The following ALG11 variants were observed in gnomAD, a reference collection of about 807,000 sequenced individuals.
ALG11 encodes the protein ALG11 alpha-1,2-mannosyltransferase.
ALG11 carries 26 observed loss-of-function variants against 38.8 expected under a neutral mutation model. The observed-to-expected ratio is 0.67, with a 90% CI of 0.49 to 0.93. ALG11 has a LOEUF of 0.93. Ranked by LOEUF, ALG11 falls within the 40% of genes least tolerant of loss-of-function variation. The pLI is 0.00. For missense variants in ALG11, 535 were observed against 578.8 expected (o/e 0.92, Z 0.78); for synonymous variants, 199 against 211.6 (o/e 0.94, Z 0.52).
intron 2 of ALG11, chr13:52,022,678 A>G (rs1307085186): frequency 6.7e-6 from 1 of 150,304 alleles, no homozygotes; most frequent in African/African-American, 2.4e-5. Flanking sequence ...GCATCTCATT[A>G]CTAGATGCTT....
chr13:52,031,350 A>G lies in ALG11; in HGVS notation c.*2760A>G. On this transcript the variant is annotated 3_prime_UTR_variant, in exon 4 of 4. Transcript: ENST00000521508. ...ACAATACAGTGGATGACCCTTTTGA[A>G]TATACCTAATGATTTCCTTAAAAAA... 1 of 544,044 alleles carries G rather than the reference A, an allele frequency of 1.8e-6. No homozygotes were observed. The highest frequency in any genetic ancestry group is 3.3e-5 in the East Asian group (1 of 30,426). 33.7% of individuals were successfully genotyped at this position (544,044 alleles called of 1,614,324 possible). A position where few individuals can be genotyped will look rare whatever the true frequency, so the allele number is the denominator to read the frequency against.
In ALG11 at chr13:52,031,232, A is replaced by G; in HGVS notation, c.*2642A>G. The G allele has an allele frequency of 7.3e-7, 1 of 1,378,574 alleles. No homozygotes were observed. Among genetic ancestry groups the G allele is most frequent in the Non-Finnish European group, 9.7e-7 (1 of 1,028,822 alleles). The allele number at this position is 1,378,574 out of a possible 1,614,324, so 85.4% of individuals were successfully genotyped here. ...TGCATGTAGTTGAGCCACATTTTTT[A>G]AAAAAAGAAAATGGATGACCATTAA... On this transcript the variant is annotated 3_prime_UTR_variant, in exon 4 of 4. Transcript: ENST00000521508.
chr13:52,014,545 T>G (rs1275307453), intron 1 of ALG11, among the ~76,000 whole-genome samples: 1 of 152,064 alleles, frequency 6.6e-6, no homozygotes, highest in East Asian at 1.9e-4. Context: ...TTTTAATTTT[T>G]TTTTTAGAGA....
chr13:52,021,390 A>G (rs912051075), intron 2 of ALG11: 11 of 152,350 alleles, frequency 7.2e-5, no homozygotes, highest in African/African-American at 2.6e-4. Context: ...TGCCTTATGA[A>G]AAGACAGTGA....
At chr13:52,019,922 G>T (rs1052498570) in intron 2 of ALG11, among the ~76,000 whole-genome samples, 8 of 152,258 alleles carry the variant, frequency 5.3e-5, no homozygotes, top group African/African-American at 1.9e-4. Context: ...GTGAGAACCC[G>T]TCTCAAGGGA....
At position 52,030,321 on chromosome 13, in the gene ALG11, T is replaced by A. The variant is rs779240213; in HGVS notation, c.*1731T>A. Reference sequence around the variant, plus strand: ...CTATTGCTACAGAGGTCAGAGAGAGTACAAACTCTGGAAGAGCTAGAAGAG... The same window carrying A: ...CTATTGCTACAGAGGTCAGAGAGAGAACAAACTCTGGAAGAGCTAGAAGAG... On this transcript the variant is annotated 3_prime_UTR_variant, in exon 4 of 4. Transcript: ENST00000521508. 3.2e-5 allele frequency: 51 copies of A among 1,613,750 alleles called. No homozygotes were observed. Among genetic ancestry groups the A allele is most frequent in the Non-Finnish European group, 3.5e-5 (41 of 1,179,976 alleles).
intron 3 of ALG11, among the ~76,000 whole-genome samples, chr13:52,027,891 T>G (rs536672296): frequency 6.6e-6 from 1 of 152,374 alleles, no homozygotes; most frequent in South Asian, 2.1e-4. Flanking sequence ...TTCTCTAGTC[T>G]TCTTTTTTAA....
At chr13:52,022,065 A>G (rs1434211147) in intron 2 of ALG11, 1 of 152,214 alleles carries the variant, frequency 6.6e-6, no homozygotes, top group Non-Finnish European at 1.5e-5. Flanking sequence ...TGAGAAAAGT[A>G]TCAAAGAATT....
At chr13:52,019,665 G>T (rs1052126390) in intron 2 of ALG11, among the ~76,000 whole-genome samples, 4 of 152,260 alleles carry the variant, frequency 2.6e-5, no homozygotes, top group African/African-American at 9.6e-5. Flanking sequence ...ACAAACCCAG[G>T]CATGGTGGCT....
rs1954282418 is a variant in ALG11 at position 52,029,968 on chromosome 13, G to T, written c.*1378G>T. ...GTGACACCAAAGAGGCTGCAACACA[G>T]GAGGACCCTGAGCAAGTGCCAGAGC... On this transcript the variant is annotated 3_prime_UTR_variant, in exon 4 of 4. Coordinates refer to ENST00000521508, the MANE Select transcript of ALG11 (RefSeq NM_001004127.3). The T allele has an allele frequency of 6.2e-7, 1 of 1,614,128 alleles. No individual in the cohort carries two copies. The highest frequency in any genetic ancestry group is 1.7e-5 in the Admixed American group (1 of 60,012).
intron 3 of ALG11, among the ~76,000 whole-genome samples, chr13:52,027,456 CACCAGTTCTAAAA>C (rs947908501): frequency 2.0e-5 from 3 of 152,174 alleles, no homozygotes; most frequent in African/African-American, 7.2e-5. Context: ...GCAGGGATTT[CACCAGTTCTAAAA>C]ACATTTGGAA....
rs17402034 is a variant in ALG11, at chr13:52,029,760, G to A, written c.*1170G>A. 0.095 allele frequency: 153,628 copies of A among 1,614,142 alleles called. 8,757 individuals carry two copies. Among genetic ancestry groups the A allele is most frequent in the Non-Finnish European group, 0.12 (137,155 of 1,180,012 alleles). ...ATGGCCAAATATGACCTGGAGGCTC[G>A]CCAAGCTATGCAGGAACAGTTGGCC... On this transcript the variant is annotated 3_prime_UTR_variant, in exon 4 of 4. Transcript: ENST00000521508.
intron 1 of ALG11, among the ~76,000 whole-genome samples, chr13:52,014,781 C>T (rs182928207): frequency 9.9e-5 from 15 of 152,256 alleles, no homozygotes; most frequent in African/African-American, 2.6e-4. Flanking sequence ...CATAGGACAA[C>T]CTCCGCAACA....
In ALG11 at chr13:52,025,031, T is replaced by G. The variant is rs1329414414; in HGVS notation, c.1207+94T>G. 8 of 1,376,038 alleles carry G rather than the reference T, an allele frequency of 5.8e-6. No homozygotes were observed. In the East Asian group the frequency reaches 1.8e-4, roughly 31 times the overall value. The allele number at this position is 1,376,038 out of a possible 1,614,324, so 85.2% of individuals were successfully genotyped here. On this transcript the variant is annotated intron_variant, in intron 3 of 3. Transcript: ENST00000521508. Reference sequence around the variant, plus strand: ...GATAATACTCTGGAAATCTGCATCATGCCCTAATTCTCTTGCCCTCATCCA... The same window carrying G: ...GATAATACTCTGGAAATCTGCATCAGGCCCTAATTCTCTTGCCCTCATCCA...
chr13:52,028,869 C>T lies in ALG11; in HGVS notation c.*279C>T, dbSNP rs1318825286. On this transcript the variant is annotated 3_prime_UTR_variant, in exon 4 of 4. Coordinates refer to ENST00000521508, the MANE Select transcript of ALG11 (RefSeq NM_001004127.3). ...CACCAGGAAGAACTAGTGGATTTGC[C>T]AAAAAACTACCCCTTGAGTGAAAAT... is the stretch of plus-strand genomic sequence containing the variant. The T allele has an allele frequency of 6.2e-7, 1 of 1,614,002 alleles. No homozygotes were observed. The highest frequency in any genetic ancestry group is 8.5e-7 in the Non-Finnish European group (1 of 1,180,038).
At chr13:52,012,525 AG>A in intron 1 of ALG11, 63 bp downstream of exon 1, 10 of 1,611,832 alleles carry the variant, frequency 6.2e-6, no homozygotes, top group Non-Finnish European at 5.1e-6. Flanking sequence ...TTGCCCGTCC[AG>A]TGTAGCTAAA....
At position 52,032,997 on chromosome 13, in the gene ALG11, A is replaced by T. The variant is rs1007913285; in HGVS notation, c.*4407A>T. 1 of 167,102 alleles carries T rather than the reference A, an allele frequency of 6.0e-6. No individual in the cohort carries two copies. The highest frequency in any genetic ancestry group is 2.4e-5 in the African/African-American group (1 of 41,458). 10.4% of individuals were successfully genotyped at this position (167,102 alleles called of 1,614,324 possible). The stretch of plus-strand genomic sequence containing the variant: ...TCAATTGCCTTATTCCTGAGGATGT[A>T]GTGAAGGAAGAAAAAGTTTTCTGGA... On this transcript the variant is annotated 3_prime_UTR_variant, in exon 4 of 4. Coordinates refer to ENST00000521508, the MANE Select transcript of ALG11 (RefSeq NM_001004127.3).
chr13:52,029,315 G>A lies in ALG11; in HGVS notation c.*725G>A, dbSNP rs1566711702. ...GGAGCAGCCAGCCATTGCTCCCATT[G>A]AACATGCGCTCAGTGGCTGGAAGGC... On this transcript the variant is annotated 3_prime_UTR_variant, in exon 4 of 4. Coordinates refer to ENST00000521508, the MANE Select transcript of ALG11 (RefSeq NM_001004127.3). 6.2e-7 allele frequency: 1 copy of A among 1,614,154 alleles called. No individual in the cohort carries two copies. Among genetic ancestry groups the A allele is most frequent in the South Asian group, 1.1e-5 (1 of 91,074 alleles).
chr13:52,018,180 T>C (rs1425006133), intron 1 of ALG11, among the ~76,000 whole-genome samples: 2 of 152,208 alleles, frequency 1.3e-5, no homozygotes, highest in Non-Finnish European at 2.9e-5. Context: ...TACTTGGCAT[T>C]GGGGACATGG....
Sources: allele counts gnomAD v4.1 joint callset (sites outside exome capture counted in the v4.1 genomes callset), GRCh38; gene constraint gnomAD v4.1.1; transcripts MANE v1.5; gene names NCBI Gene and HGNC (gene_info 2026-07-23, HGNC 2026-07-21).